The following RNF13 variants were observed in gnomAD, a reference collection of about 807,000 sequenced individuals.
The protein encoded by RNF13 is E3 ubiquitin-protein ligase RNF13.
RNF13 carries 19 observed loss-of-function variants against 37.7 expected under a neutral mutation model. That is an observed-to-expected ratio of 0.50 (90% confidence interval 0.35 to 0.74). The LOEUF (loss-of-function observed/expected upper bound fraction) is 0.74, where lower values mean the gene tolerates loss of function less well. RNF13 is among the 30% of genes least tolerant of loss of function. RNF13 has a pLI of 0.01. For synonymous variants in RNF13, 144 were observed against 157.8 expected, an observed-to-expected ratio of 0.91 and a Z score of 0.65; for missense variants, 375 against 453.0, an observed-to-expected ratio of 0.83 and a Z score of 1.56.
Position 149,852,568 on chromosome 3 carries a change from G to A in RNF13, c.167G>A (p.Gly56Asp). The change falls in exon 3 of 10, where the codon GGT becomes GAT. Residue 56 changes from glycine (G) to aspartate (D), a missense_variant. Gly to Asp is a moderately conservative substitution (Grantham distance 94). Transcript: ENST00000392894. ...TTTGATGACCTCCCTGCAAGATTTG[G>A]TTATAGACTTCCAGCTGAAGGTTTA... ...QTFDDLPARF[G>D]YRLPAEGLKG... 2 of 1,563,750 alleles carry A rather than the reference G, an allele frequency of 1.3e-6. No individual in the cohort carries two copies. The highest frequency in any genetic ancestry group is 1.7e-6 in the Non-Finnish European group (2 of 1,149,204).
At chr3:149,868,975 CTTAGAG>C (rs1711667294) in intron 3 of RNF13, among the ~76,000 whole-genome samples, 1 of 151,632 alleles carries the variant, frequency 6.6e-6, no homozygotes, top group Non-Finnish European at 1.5e-5. Context: ...CACAATAATT[CTTAGAG>C]TTAGTCTTTT....
At chr3:149,905,941 A>G (rs755097690) in intron 6 of RNF13, among the ~76,000 whole-genome samples, 1 of 152,146 alleles carries the variant, frequency 6.6e-6, no homozygotes, top group Non-Finnish European at 1.5e-5. Context: ...AACTTTTTCA[A>G]TATTCCAAGT....
At position 149,870,571 on chromosome 3, in the gene RNF13, A is replaced by G. The variant is rs558268143; in HGVS notation, c.196-1458A>G. 7.8e-4 allele frequency among the ~76,000 whole-genome samples: 119 copies of G among 151,912 alleles called. 6 individuals carry two copies. Among genetic ancestry groups the G allele is most frequent in the Non-Finnish European group, 1.4e-3 (94 of 67,864 alleles). ...CATGTTGAAAAATATTTCCTACACT[A>G]TATGATTTAGCATTGGAGCAAAAAC... On this transcript the variant is annotated intron_variant, in intron 3 of 9. Coordinates refer to ENST00000392894, the MANE Select transcript of RNF13 (RefSeq NM_183381.3).
intron 1 of RNF13, among the ~76,000 whole-genome samples, chr3:149,823,094 A>G (rs1250357233): frequency 1.3e-5 from 2 of 152,096 alleles, no homozygotes; most frequent in Admixed American, 6.5e-5. Context: ...ATTGAATCCT[A>G]GCTTCACTAT....
intron 1 of RNF13, among the ~76,000 whole-genome samples, chr3:149,818,880 C>T (rs1283906951): frequency 6.6e-6 from 1 of 152,046 alleles, no homozygotes; most frequent in Admixed American, 6.6e-5. Flanking sequence ...CACTGTACTC[C>T]AGCCTGGGTG....
At chr3:149,834,513 C>T (rs1453539525) in intron 1 of RNF13, among the ~76,000 whole-genome samples, 1 of 152,214 alleles carries the variant, frequency 6.6e-6, no homozygotes, top group African/African-American at 2.4e-5. Flanking sequence ...CACCAAGTCT[C>T]ATATTGATAT....
intron 8 of RNF13, among the ~76,000 whole-genome samples, chr3:149,922,069 G>A (rs1438047368): frequency 6.6e-6 from 1 of 152,060 alleles, no homozygotes; most frequent in East Asian, 1.9e-4. Context: ...CGCCCCCCAG[G>A]TTCAAGAGAT....
intron 3 of RNF13, among the ~76,000 whole-genome samples, chr3:149,864,008 A>ATTTTTT (rs535062004): frequency 3.4e-5 from 1 of 29,692 alleles, no homozygotes; most frequent in African/African-American, 1.6e-4. Context: ...TTTGATTGGA[A>ATTTTTT]TTTTTTTTTT....
chr3:149,927,027 A>G lies in RNF13; in HGVS notation c.700+5800A>G, dbSNP rs138397630. ...GCAGAATACACACAGCATAAAATTT[A>G]CCATTTTAATCATTTTAAAGTATCT... On this transcript the variant is annotated intron_variant, in intron 8 of 9. Transcript: ENST00000392894. Among the ~76,000 whole-genome samples, 974 of 152,356 alleles carry G rather than the reference A, an allele frequency of 6.4e-3. 4 individuals carry two copies. Among genetic ancestry groups the G allele is most frequent in the Middle Eastern group, 0.014 (4 of 294 alleles).
rs139546320 is a variant in RNF13, at chr3:149,848,216, G to A, written c.114+2076G>A. Among the ~76,000 whole-genome samples, 232 of 152,258 alleles carry A rather than the reference G, an allele frequency of 1.5e-3. 2 individuals are homozygous for A. Among genetic ancestry groups the A allele is most frequent in the Non-Finnish European group, 2.4e-3 (165 of 68,028 alleles). On this transcript the variant is annotated intron_variant, in intron 2 of 9. Coordinates refer to ENST00000392894, the MANE Select transcript of RNF13 (RefSeq NM_183381.3). Reference sequence around the variant, plus strand: ...ATTTAGAGACAAAAAAAAAATGTTAGGTATGGAAGAATGGTCAATCCTTTT... The same window carrying A: ...ATTTAGAGACAAAAAAAAAATGTTAAGTATGGAAGAATGGTCAATCCTTTT...
chr3:149,868,480 T>G (rs1711593186), intron 3 of RNF13, among the ~76,000 whole-genome samples: 1 of 151,702 alleles, frequency 6.6e-6, no homozygotes, highest in Non-Finnish European at 1.5e-5. Flanking sequence ...GGATTTGGTA[T>G]TCTTGGATGA....
intron 2 of RNF13, chr3:149,851,268 T>C (rs1252651558): frequency 6.6e-6 from 1 of 152,208 alleles, no homozygotes; most frequent in Admixed American, 6.5e-5. Context: ...AGGACCTGAG[T>C]TGACGGTGAG....
intron 7 of RNF13, among the ~76,000 whole-genome samples, chr3:149,920,753 T>G (rs2108535676): frequency 6.6e-6 from 1 of 151,668 alleles, no homozygotes. Context: ...GAAATTTTTA[T>G]CAGTTTGTAA....
chr3:149,825,337 T>C (rs1470679597), intron 1 of RNF13, among the ~76,000 whole-genome samples: 1 of 152,192 alleles, frequency 6.6e-6, no homozygotes, highest in African/African-American at 2.4e-5. Context: ...CTAATTTTTG[T>C]ATTTTTAGTA....
intron 3 of RNF13, among the ~76,000 whole-genome samples, chr3:149,867,983 T>C (rs554200329): frequency 3.4e-4 from 52 of 151,956 alleles, no homozygotes; most frequent in African/African-American, 1.2e-3. Context: ...AGCCATCTTA[T>C]AACAAGTAAT....
intron 8 of RNF13, among the ~76,000 whole-genome samples, chr3:149,941,243 A>T (rs1482025987): frequency 2.6e-5 from 4 of 151,944 alleles, no homozygotes; most frequent in African/African-American, 9.7e-5. Context: ...ATCATATTCT[A>T]ATTGTCTTTT....
intron 3 of RNF13, among the ~76,000 whole-genome samples, 198 bp downstream of exon 3, chr3:149,852,794 T>A (rs1490323819): frequency 1.3e-5 from 2 of 152,018 alleles, no homozygotes. Context: ...TATTCTGAAC[T>A]AGCTGTGTTT....
Position 149,872,142 on chromosome 3 carries a change from T to G in RNF13, c.309T>G (p.Asn103Lys). 1 of 1,572,204 alleles carries G rather than the reference T, an allele frequency of 6.4e-7. No homozygotes were observed. Among genetic ancestry groups the G allele is most frequent in the Non-Finnish European group, 8.6e-7 (1 of 1,157,700 alleles). The change falls in exon 4 of 10, where the codon AAT becomes AAG. Residue 103 changes from asparagine (N) to lysine (K), a missense_variant. Asn to Lys is a moderately conservative substitution (Grantham distance 94, BLOSUM62 0). Coordinates refer to ENST00000392894, the MANE Select transcript of RNF13 (RefSeq NM_183381.3). ...TGTTAATTAGAAGACTTGATTGTAA[T>G]TTTGATATAAAGGTATGATTATCTT... ...FIVLIRRLDC[N>K]FDIKVLNAQR...
chr3:149,910,770 G>A, intron 6 of RNF13, among the ~76,000 whole-genome samples: 1 of 152,114 alleles, frequency 6.6e-6, no homozygotes, highest in Non-Finnish European at 1.5e-5. Flanking sequence ...TGGACCCAAT[G>A]GATTCATCTG....
Sources: gnomAD v4.1 joint callset for allele counts (sites outside exome capture counted in the v4.1 genomes callset) on GRCh38, gnomAD v4.1.1 for gene constraint, MANE v1.5 for transcripts, NCBI Gene and HGNC (gene_info 2026-07-23, HGNC 2026-07-21) for gene names.